The following GULP1 variants were observed in gnomAD, a reference collection of about 807,000 sequenced individuals.
The protein encoded by GULP1 is GULP PTB domain containing engulfment adaptor 1.
In GULP1, 19 loss-of-function variants were observed where a neutral mutation model predicts 40.9. That is an observed-to-expected ratio of 0.46 (90% CI 0.32 to 0.68). The LOEUF (loss-of-function observed/expected upper bound fraction) is 0.68, where lower values mean the gene tolerates loss of function less well. GULP1 is among the 30% of genes least tolerant of loss of function. The probability of loss-of-function intolerance (pLI) is 0.03; values close to 1 mark genes in which losing one functional copy is unlikely to be tolerated. For missense variants in GULP1, 312 were observed against 362.2 expected (o/e 0.86, Z 1.12); for synonymous variants, 119 against 117.6 (o/e 1.01, Z -0.08).
intron 1 of GULP1, among the ~76,000 whole-genome samples, chr2:188,299,526 C>G (rs1238134863): frequency 2.0e-5 from 3 of 152,100 alleles, no homozygotes; most frequent in Non-Finnish European, 4.4e-5. Flanking sequence ...CCTTCTCATT[C>G]TGGGAAATAT....
At chr2:188,567,311 A>G (rs367678982) in intron 7 of GULP1, among the ~76,000 whole-genome samples, 1 of 152,172 alleles carries the variant, frequency 6.6e-6, no homozygotes, top group Non-Finnish European at 1.5e-5. Context: ...AAATCATGCT[A>G]CTATAAAGAC....
At chr2:188,591,058 T>A (rs909623009) in intron 11 of GULP1, 2 of 151,998 alleles carry the variant, frequency 1.3e-5, no homozygotes, top group African/African-American at 4.8e-5. Flanking sequence ...TAAAAATATA[T>A]AAATACATTA....
At chr2:188,558,325 G>T (rs1478504702) in intron 7 of GULP1, among the ~76,000 whole-genome samples, 1 of 152,092 alleles carries the variant, frequency 6.6e-6, no homozygotes, top group Admixed American at 6.5e-5. Context: ...AGATCTGATG[G>T]TTTTATCAGG....
At chr2:188,435,655 T>G (rs557453889) in intron 2 of GULP1, among the ~76,000 whole-genome samples, 1 of 151,810 alleles carries the variant, frequency 6.6e-6, no homozygotes, top group Non-Finnish European at 1.5e-5. Flanking sequence ...AATAAAGGAG[T>G]TTTCTGGGCT....
chr2:188,487,052 A>AG, intron 4 of GULP1, among the ~76,000 whole-genome samples: 1 of 152,098 alleles, frequency 6.6e-6, no homozygotes, highest in African/African-American at 2.4e-5. Context: ...TTGCTACTAT[A>AG]ATTAGAATGT....
chr2:188,372,324 T>A (rs976325440), intron 1 of GULP1, among the ~76,000 whole-genome samples: 1 of 152,074 alleles, frequency 6.6e-6, no homozygotes, highest in African/African-American at 2.4e-5. Context: ...TCCTAGTTGG[T>A]CATTTACTTC....
chr2:188,373,834 A>T (rs1218646542), intron 1 of GULP1, among the ~76,000 whole-genome samples: 1 of 152,020 alleles, frequency 6.6e-6, no homozygotes, highest in African/African-American at 2.4e-5. Context: ...AAGAGAGATC[A>T]TTTGGTCTTT....
chr2:188,392,482 T>C (rs954864605), intron 2 of GULP1, among the ~76,000 whole-genome samples: 1 of 151,982 alleles, frequency 6.6e-6, no homozygotes, highest in Non-Finnish European at 1.5e-5. Flanking sequence ...TTATTTGAAA[T>C]GTTTCTCTTC....
intron 2 of GULP1, among the ~76,000 whole-genome samples, chr2:188,457,828 A>C (rs2059389846): frequency 6.6e-6 from 1 of 152,146 alleles, no homozygotes; most frequent in Admixed American, 6.5e-5. Context: ...AACCCCCCAC[A>C]CATGCATTCC....
chr2:188,467,703 C>T (rs891009759), intron 2 of GULP1, among the ~76,000 whole-genome samples: 1 of 152,012 alleles, frequency 6.6e-6, no homozygotes, highest in Non-Finnish European at 1.5e-5. Flanking sequence ...TTTTTTTCCT[C>T]ATTTACAAAT....
In GULP1 at chr2:188,351,175, T is replaced by G. The variant is rs186761125; in HGVS notation, c.-171-32588T>G. The stretch of plus-strand genomic sequence containing the variant: ...GTAGGACTTAAAAAAAGAAGACTAA[T>G]TAGAAGTATTTTTTTTATTAGGCAG... On this transcript the variant is annotated intron_variant, in intron 1 of 11. Coordinates refer to ENST00000409830, the MANE Select transcript of GULP1 (RefSeq NM_016315.4). 4.6e-5 allele frequency among the ~76,000 whole-genome samples: 7 copies of G among 152,178 alleles called. No homozygotes were observed. The East Asian group carries it at 1.4e-3, about 29-fold the overall frequency.
chr2:188,311,292 G>A (rs1189043372), intron 1 of GULP1, among the ~76,000 whole-genome samples: 1 of 152,152 alleles, frequency 6.6e-6, no homozygotes, highest in African/African-American at 2.4e-5. Context: ...CACATCCCGG[G>A]TTCAAGCGAT....
chr2:188,458,423 T>C (rs2059439018), intron 2 of GULP1, among the ~76,000 whole-genome samples: 1 of 152,154 alleles, frequency 6.6e-6, no homozygotes, highest in Non-Finnish European at 1.5e-5. Flanking sequence ...ATTCCTTGAG[T>C]TTCTCTACTT....
intron 4 of GULP1, among the ~76,000 whole-genome samples, chr2:188,495,864 A>G (rs1406758486): frequency 6.6e-6 from 1 of 152,172 alleles, no homozygotes; most frequent in African/African-American, 2.4e-5. Context: ...AGCTTCCGTG[A>G]TTTCAAACAA....
intron 1 of GULP1, among the ~76,000 whole-genome samples, chr2:188,369,104 G>A (rs2047256409): frequency 1.3e-5 from 2 of 150,560 alleles, no homozygotes; most frequent in South Asian, 4.2e-4. Context: ...GGAACTACAG[G>A]TGCATGCCAC....
chr2:188,449,528 G>A (rs1181724368), intron 2 of GULP1, among the ~76,000 whole-genome samples: 1 of 152,158 alleles, frequency 6.6e-6, no homozygotes, highest in Non-Finnish European at 1.5e-5. Context: ...ATGGAACTCG[G>A]TTTATAACAG....
At chr2:188,316,541 A>G (rs1434738519) in intron 1 of GULP1, among the ~76,000 whole-genome samples, 1 of 151,982 alleles carries the variant, frequency 6.6e-6, no homozygotes, top group Non-Finnish European at 1.5e-5. Flanking sequence ...TTGTGGCCTC[A>G]TTGCTCACTG....
At position 188,477,711 on chromosome 2, in the gene GULP1, T is replaced by C. The variant is rs2061125318; in HGVS notation, c.9T>C (p.Arg3=). 1 of 1,601,880 alleles carries C rather than the reference T, an allele frequency of 6.2e-7. No individual in the cohort carries two copies. Among genetic ancestry groups the C allele is most frequent in the African/African-American group, 1.3e-5 (1 of 74,254 alleles). MN[R]AFSRKKDKTW... Reference sequence around the variant, plus strand: ...TTTGGCTGATCCTCATCATGAACCGTGCTTTTAGCAGGAAGAAAGGTAAGT... The same window carrying C: ...TTTGGCTGATCCTCATCATGAACCGCGCTTTTAGCAGGAAGAAAGGTAAGT... Residue 3 remains arginine, a synonymous_variant, in exon 3 of 12, where the codon CGT becomes CGC. Coordinates refer to ENST00000409830, the MANE Select transcript of GULP1 (RefSeq NM_016315.4).
intron 2 of GULP1, among the ~76,000 whole-genome samples, chr2:188,395,298 T>C (rs1219984234): frequency 2.0e-5 from 3 of 152,216 alleles, no homozygotes; most frequent in East Asian, 1.9e-4. Flanking sequence ...CAAATGTGCA[T>C]ATTCCAAGTA....
Sources: gnomAD v4.1 joint callset for allele counts (sites outside exome capture counted in the v4.1 genomes callset) on GRCh38, gnomAD v4.1.1 for gene constraint, MANE v1.5 for transcripts, NCBI Gene and HGNC (gene_info 2026-07-23, HGNC 2026-07-21) for gene names.